Variants in CYP3A43 observed in about 807,000 individuals in gnomAD.
CYP3A43 encodes cytochrome P450 3A43.
In CYP3A43, 45 loss-of-function variants were observed where a neutral mutation model predicts 58.0. The observed-to-expected ratio is 0.78, with a 90% CI of 0.61 to 0.99. CYP3A43 has a LOEUF of 0.99. Ranked by LOEUF, CYP3A43 falls within the 50% of genes least tolerant of loss-of-function variation. The pLI is 0.00. For synonymous variants in CYP3A43, 191 were observed against 201.4 expected, an observed-to-expected ratio of 0.95 and a Z score of 0.44; for missense variants, 593 against 591.9, an observed-to-expected ratio of 1.00 and a Z score of -0.02.
chr7:99,860,266 A>G (rs1297111267), intron 10 of CYP3A43, among the ~76,000 whole-genome samples: 1 of 152,170 alleles, frequency 6.6e-6, no homozygotes, highest in Non-Finnish European at 1.5e-5. Flanking sequence ...CAGAAATCTC[A>G]ATGACAACTA....
intron 8 of CYP3A43, 68 bp from the exon 9 acceptor site, chr7:99,856,765 G>A: frequency 6.5e-7 from 1 of 1,542,846 alleles, no homozygotes; most frequent in Non-Finnish European, 9.0e-7. Context: ...GCTTAGGACT[G>A]GACTCCTGAT....
chr7:99,863,698 A>C lies in CYP3A43; in HGVS notation c.1415A>C (p.Gln472Pro). 1 of 1,575,242 alleles carries C rather than the reference A, an allele frequency of 6.3e-7. No individual in the cohort carries two copies. The highest frequency in any genetic ancestry group is 8.6e-7 in the Non-Finnish European group (1 of 1,161,458). The part of the protein sequence containing the change: ...NFSFKPCKET[Q>P]IPLKLDNLPI... ...TCCTTCAAACCTTGTAAAGAGACTCAGGTCAGTAAACTTTCTTATAAATAA... is the reference window on the plus strand; with the variant it reads ...TCCTTCAAACCTTGTAAAGAGACTCCGGTCAGTAAACTTTCTTATAAATAA... The change falls in exon 12 of 13, where the codon CAG (glutamine) becomes CCG (proline). Residue 472 changes from glutamine to proline, a missense_variant and splice_region_variant. By Grantham distance (76) the Gln-to-Pro change is moderately conservative. Transcript: ENST00000354829.
At chr7:99,829,711 G>C (rs1816767193) in intron 1 of CYP3A43, among the ~76,000 whole-genome samples, 1 of 152,162 alleles carries the variant, frequency 6.6e-6, no homozygotes, top group African/African-American at 2.4e-5. Context: ...GTCTCCTTTT[G>C]CTTTGGTAGA....
intron 7 of CYP3A43, among the ~76,000 whole-genome samples, chr7:99,854,636 T>G (rs1817901934): frequency 1.3e-5 from 2 of 152,222 alleles, no homozygotes; most frequent in African/African-American, 4.8e-5. Flanking sequence ...TCTTCATTTT[T>G]CAGTGTGTTA....
At chr7:99,832,629 A>G (rs576323820) in intron 1 of CYP3A43, among the ~76,000 whole-genome samples, 2 of 151,780 alleles carry the variant, frequency 1.3e-5, no homozygotes, top group South Asian at 4.2e-4. Flanking sequence ...AACATGGCAC[A>G]TATATACATA....
intron 3 of CYP3A43, among the ~76,000 whole-genome samples, chr7:99,843,073 T>C (rs1394015451): frequency 1.3e-5 from 2 of 152,254 alleles, no homozygotes; most frequent in Non-Finnish European, 2.9e-5. Context: ...TGCATTATTT[T>C]ATGTAAAATG....
chr7:99,833,104 A>C (rs1203863988), intron 1 of CYP3A43, among the ~76,000 whole-genome samples: 1 of 152,218 alleles, frequency 6.6e-6, no homozygotes, highest in East Asian at 1.9e-4. Context: ...TGCAGACTTC[A>C]GCTGCTTTTA....
At chr7:99,856,300 GC>G (rs1817979338) in intron 8 of CYP3A43, among the ~76,000 whole-genome samples, 1 of 152,184 alleles carries the variant, frequency 6.6e-6, no homozygotes, top group South Asian at 2.1e-4. Flanking sequence ...CTGGAGACCA[GC>G]CCGATGATGA....
chr7:99,851,508 C>A (rs1199883716), intron 7 of CYP3A43, among the ~76,000 whole-genome samples: 1 of 152,192 alleles, frequency 6.6e-6, no homozygotes, highest in Non-Finnish European at 1.5e-5. Flanking sequence ...GTGAACTGGT[C>A]TCATCGTGAT....
intron 4 of CYP3A43, 115 bp from the exon 5 acceptor site, chr7:99,847,373 A>C: frequency 2.9e-6 from 3 of 1,035,408 alleles, no homozygotes; most frequent in Non-Finnish European, 4.2e-6. Context: ...CCTGCCACCC[A>C]GTAGATAGTT....
intron 11 of CYP3A43, among the ~76,000 whole-genome samples, chr7:99,863,196 C>T (rs1354738638): frequency 6.6e-6 from 1 of 152,184 alleles, no homozygotes; most frequent in East Asian, 1.9e-4. Context: ...TCTGTGACTA[C>T]AATGTTATCT....
At chr7:99,841,974 T>C (rs1271171714) in intron 3 of CYP3A43, among the ~76,000 whole-genome samples, 1 of 152,228 alleles carries the variant, frequency 6.6e-6, no homozygotes, top group East Asian at 1.9e-4. Context: ...TGTGCTGTTA[T>C]AATAAATACT....
At chr7:99,864,129 A>G (rs1818354625) in intron 12 of CYP3A43, among the ~76,000 whole-genome samples, 1 of 148,652 alleles carries the variant, frequency 6.7e-6, no homozygotes. Flanking sequence ...CACTAGCTGT[A>G]CATTGGAATC....
chr7:99,831,901 G>A (rs1816857280), intron 1 of CYP3A43, among the ~76,000 whole-genome samples: 1 of 152,216 alleles, frequency 6.6e-6, no homozygotes, highest in Non-Finnish European at 1.5e-5. Flanking sequence ...GTGCCATTCA[G>A]AGAACATATA....
At chr7:99,845,442 C>T (rs184358956) in intron 4 of CYP3A43, among the ~76,000 whole-genome samples, 15 of 152,194 alleles carry the variant, frequency 9.9e-5, no homozygotes, top group African/African-American at 3.4e-4. Context: ...TGTGCCTCAG[C>T]CTCCCAAGTA....
intron 7 of CYP3A43, among the ~76,000 whole-genome samples, chr7:99,851,339 G>A (rs28600034): frequency 7.2e-5 from 11 of 152,244 alleles, no homozygotes; most frequent in South Asian, 2.1e-4. Context: ...GAATGGAGGC[G>A]TTTTATAGTA....
intron 9 of CYP3A43, among the ~76,000 whole-genome samples, chr7:99,857,702 G>A (rs756446311): frequency 2.0e-5 from 3 of 152,086 alleles, no homozygotes; most frequent in Non-Finnish European, 4.4e-5. Flanking sequence ...AACTAGCCGG[G>A]TGTGGTGGCG....
rs1563069832 is a variant in CYP3A43, at chr7:99,855,609, C to T, written c.689C>T (p.Thr230Ile). Reference sequence around the variant, plus strand: ...CCTATAGCACTCTTTCCATTTCTTACCCCAGTTTTTGAAGCCCTAAATATC... The same window carrying T: ...CCTATAGCACTCTTTCCATTTCTTATCCCAGTTTTTGAAGCCCTAAATATC... Reference protein sequence around the residue: ...LLLISLFPFLTPVFEALNIGL... With the variant: ...LLLISLFPFLIPVFEALNIGL... The change falls in exon 8 of 13, where the codon ACC becomes ATC. Residue 230 changes from threonine to isoleucine, a missense_variant. Coordinates refer to ENST00000354829, the MANE Select transcript of CYP3A43 (RefSeq NM_057095.3). 1.2e-6 allele frequency: 2 copies of T among 1,610,406 alleles called. No individual in the cohort carries two copies. Among genetic ancestry groups the T allele is most frequent in the Middle Eastern group, 1.7e-4 (1 of 6,052 alleles).
At chr7:99,842,232 C>G (rs1433525433) in intron 3 of CYP3A43, among the ~76,000 whole-genome samples, 2 of 152,078 alleles carry the variant, frequency 1.3e-5, no homozygotes, top group Non-Finnish European at 2.9e-5. Context: ...AAAAAAGTAT[C>G]CTTTCCCTCC....
Sources: gnomAD v4.1 joint callset for allele counts (sites outside exome capture counted in the v4.1 genomes callset) on GRCh38, gnomAD v4.1.1 for gene constraint, MANE v1.5 for transcripts, NCBI Gene and HGNC (gene_info 2026-07-23, HGNC 2026-07-21) for gene names.